The following CNGB1 variants were observed in gnomAD, a reference collection of about 807,000 sequenced individuals.
CNGB1 encodes the protein cyclic nucleotide gated channel subunit beta 1.
A neutral mutation model predicts 151.7 loss-of-function variants in CNGB1; 126 were observed. The ratio of observed to expected loss-of-function variants is 0.83; its 90% confidence interval spans 0.72 to 0.96. CNGB1 has a LOEUF of 0.96. CNGB1 is among the 40% of genes least tolerant of loss of function. CNGB1 has a pLI of 0.00. For synonymous variants in CNGB1, 623 were observed against 635.1 expected, an observed-to-expected ratio of 0.98 and a Z score of 0.29; for missense variants, 1,698 against 1,627.0, an observed-to-expected ratio of 1.04 and a Z score of -0.75.
rs1392360858 is a variant in CNGB1 at position 57,882,724 on chromosome 16, T to C, written c.*1440A>G. On this transcript the variant is annotated 3_prime_UTR_variant, in exon 33 of 33. Transcript: ENST00000251102. ...TAATCACTCACTCCCCCAAGAGCCATTTGGTATGCAAATAAAATCCTCTTG... is the reference window on the plus strand; with the variant it reads ...TAATCACTCACTCCCCCAAGAGCCACTTGGTATGCAAATAAAATCCTCTTG... 1 of 152,182 alleles carries C rather than the reference T, an allele frequency of 6.6e-6. No individual in the cohort carries two copies. Among genetic ancestry groups the C allele is most frequent in the Non-Finnish European group, 1.5e-5 (1 of 68,032 alleles). 9.4% of individuals were successfully genotyped at this position (152,182 alleles called of 1,614,324 possible).
chr16:57,965,252 A>G (rs1359144214), intron 2 of CNGB1, among the ~76,000 whole-genome samples: 1 of 152,122 alleles, frequency 6.6e-6, no homozygotes, highest in Non-Finnish European at 1.5e-5. Flanking sequence ...CAGACACAAA[A>G]ATAAGTGCAT....
intron 20 of CNGB1, among the ~76,000 whole-genome samples, chr16:57,918,077 G>GGATGC (rs1567376852): frequency 6.6e-6 from 1 of 151,810 alleles, no homozygotes; most frequent in African/African-American, 2.4e-5. Flanking sequence ...ATGGATGGAT[G>GGATGC]GATGGATAGA....
chr16:57,938,044 T>TC (rs1317075276), intron 16 of CNGB1, among the ~76,000 whole-genome samples: 1 of 152,216 alleles, frequency 6.6e-6, no homozygotes, highest in African/African-American at 2.4e-5. Flanking sequence ...CAGGTCTGGA[T>TC]CGCGGCCCAA....
chr16:57,940,603 T>C (rs760786828), intron 14 of CNGB1, among the ~76,000 whole-genome samples: 1 of 151,908 alleles, frequency 6.6e-6, no homozygotes, highest in Non-Finnish European at 1.5e-5. Flanking sequence ...AGGATGATGA[T>C]TTTACCACAA....
chr16:57,919,327 AAC>A, intron 19 of CNGB1, 73 bp from the exon 20 acceptor site: 1 of 1,611,594 alleles, frequency 6.2e-7, no homozygotes, highest in Non-Finnish European at 8.5e-7. Flanking sequence ...GAAGGGTCCC[AAC>A]TGCAGACCTT....
intron 9 of CNGB1, 35 bp from the exon 10 acceptor site, chr16:57,960,100 A>G: frequency 6.5e-7 from 1 of 1,537,362 alleles, no homozygotes. Flanking sequence ...TAGAGACGCC[A>G]TCCCTTGAGG....
At position 57,938,349 on chromosome 16, in the gene CNGB1, C is replaced by T. The variant is rs138734766; in HGVS notation, c.1372+1081G>A. Among the ~76,000 whole-genome samples the T allele has an allele frequency of 9.0e-4, 137 of 152,296 alleles. 1 individual carries two copies. Among genetic ancestry groups the T allele is most frequent in the African/African-American group, 3.2e-3 (135 of 41,556 alleles). On this transcript the variant is annotated intron_variant, in intron 16 of 32. Transcript: ENST00000251102. ...CACTTTTCAAAGACCAAGTAGGGAG[C>T]AAGCTCAGGATACCCAGGGTTAGGA...
chr16:57,911,279 A>G (rs1960702863), intron 25 of CNGB1, among the ~76,000 whole-genome samples: 1 of 152,064 alleles, frequency 6.6e-6, no homozygotes, highest in South Asian at 2.1e-4. Flanking sequence ...AGATGTAGTG[A>G]CCTGGCTCTT....
chr16:57,905,260 T>C (rs762219293), intron 25 of CNGB1, among the ~76,000 whole-genome samples: 1 of 152,224 alleles, frequency 6.6e-6, no homozygotes, highest in Non-Finnish European at 1.5e-5. Flanking sequence ...TGCTATCTCC[T>C]GCCATATTGG....
At chr16:57,944,963 A>AG (rs1250431168) in intron 14 of CNGB1, among the ~76,000 whole-genome samples, 3 of 151,474 alleles carry the variant, frequency 2.0e-5, no homozygotes, top group Admixed American at 6.6e-5. Flanking sequence ...AAAAAAAAAA[A>AG]AAAAAAAAAA....
intron 32 of CNGB1, among the ~76,000 whole-genome samples, chr16:57,886,139 G>T (rs1451396884): frequency 6.6e-6 from 1 of 152,196 alleles, no homozygotes; most frequent in Non-Finnish European, 1.5e-5. Flanking sequence ...CCTGGGTCAT[G>T]GAGCTAGTGG....
At position 57,957,391 on chromosome 16, in the gene CNGB1, G is replaced by A. The variant is rs778609862; in HGVS notation, c.838-14C>T. 2 of 1,613,284 alleles carry A rather than the reference G, an allele frequency of 1.2e-6. No individual in the cohort carries two copies. Among genetic ancestry groups the A allele is most frequent in the South Asian group, 2.2e-5 (2 of 91,068 alleles). ...GGAGTCAGGCTCCTGCATGGAGAGAGAAAAAAGGGAAAATCCTGCCACGGC... is the reference window on the plus strand; with the variant it reads ...GGAGTCAGGCTCCTGCATGGAGAGAAAAAAAAGGGAAAATCCTGCCACGGC... On this transcript the variant is annotated splice_polypyrimidine_tract_variant and intron_variant, in intron 11 of 32. Transcript: ENST00000251102.
At chr16:57,915,474 G>A in intron 22 of CNGB1, 139 bp from the exon 23 acceptor site, 2 of 723,642 alleles carry the variant, frequency 2.8e-6, no homozygotes, top group Non-Finnish European at 2.4e-6. Context: ...CTAGAGGGCA[G>A]AAGGTGTCCC....
intron 31 of CNGB1, among the ~76,000 whole-genome samples, chr16:57,895,956 T>C (rs1035399422): frequency 3.3e-5 from 5 of 152,294 alleles, no homozygotes; most frequent in Admixed American, 2.0e-4. Context: ...TCCATGCCTA[T>C]ATACATTGAG....
rs781615372 is a variant in CNGB1 at position 57,897,902 on chromosome 16, G to T, written c.2989C>A (p.Arg997Ser). 4.3e-6 allele frequency: 7 copies of T among 1,613,962 alleles called. No individual in the cohort carries two copies. In the Admixed American group the frequency reaches 1.2e-4, roughly 27 times the overall value. Residue 997 changes from arginine (R) to serine (S), a missense_variant, in exon 30 of 33, where the codon CGT becomes AGT. By Grantham distance (110) the Arg-to-Ser change is moderately radical. Transcript: ENST00000251102. ...DYVCKKGEIG[R>S]EMYIIQAGQV... The stretch of plus-strand genomic sequence containing the variant: ...CCTGCCTGGATGATGTACATCTCAC[G>T]GCCGATCTCCCCCTGAAACAAAGAA...
intron 31 of CNGB1, among the ~76,000 whole-genome samples, chr16:57,890,026 A>G (rs1960042914): frequency 6.6e-6 from 1 of 152,126 alleles, no homozygotes. Context: ...GTTTCTCTAG[A>G]TAAGGGTAGA....
chr16:57,944,837 C>T (rs1961761491), intron 14 of CNGB1, among the ~76,000 whole-genome samples: 1 of 151,218 alleles, frequency 6.6e-6, no homozygotes, highest in South Asian at 2.1e-4. Context: ...GCCTGTAATC[C>T]CAGCTACTCA....
intron 17 of CNGB1, among the ~76,000 whole-genome samples, chr16:57,930,621 A>C (rs1961321177): frequency 1.3e-5 from 2 of 152,088 alleles, no homozygotes; most frequent in Admixed American, 1.3e-4. Flanking sequence ...TAAAAGAACA[A>C]AGAAAAGAAA....
At chr16:57,963,219 G>A (rs140676407) in intron 4 of CNGB1, among the ~76,000 whole-genome samples, 155 bp from the exon 5 acceptor site, 2 of 152,280 alleles carry the variant, frequency 1.3e-5, no homozygotes, top group East Asian at 3.9e-4. Flanking sequence ...TGTACCACTG[G>A]CCCAAGGCCA....
Sources: gnomAD v4.1 joint callset for allele counts (sites outside exome capture counted in the v4.1 genomes callset) on GRCh38, gnomAD v4.1.1 for gene constraint, MANE v1.5 for transcripts, NCBI Gene and HGNC (gene_info 2026-07-23, HGNC 2026-07-21) for gene names.